EML6: variants seen among roughly 807,000 people sequenced by gnomAD.
EML6 encodes EMAP like 6, also known as echinoderm microtubule-associated protein-like 6.
Under a neutral mutation model 240.1 loss-of-function variants are expected in EML6, and 154 were observed. That is an observed-to-expected ratio of 0.64 (90% CI 0.56 to 0.73). EML6 has a LOEUF of 0.73. Ranked by LOEUF, EML6 falls within the 30% of genes least tolerant of loss-of-function variation. EML6 has a pLI of 0.00. For missense variants in EML6, 2,964 were observed against 2,474.6 expected (o/e 1.20, Z -4.20); for synonymous variants, 1,148 against 899.0 (o/e 1.28, Z -4.95).
intron 16 of EML6, among the ~76,000 whole-genome samples, chr2:54,877,146 C>G (rs1671549393): frequency 6.6e-6 from 1 of 151,988 alleles, no homozygotes; most frequent in Non-Finnish European, 1.5e-5. Flanking sequence ...CCATGCTTAG[C>G]TAATTTTTTT....
rs746209598 is a variant in EML6 at position 54,910,946 on chromosome 2, C to T, written c.3410-8C>T. 48 of 1,498,172 alleles carry T rather than the reference C, an allele frequency of 3.2e-5. 1 individual carries two copies. Among genetic ancestry groups the T allele is most frequent in the South Asian group, 3.0e-4 (24 of 80,842 alleles). 92.8% of individuals were successfully genotyped at this position (1,498,172 alleles called of 1,614,324 possible). On this transcript the variant is annotated splice_polypyrimidine_tract_variant and splice_region_variant and intron_variant, in intron 24 of 41. Transcript: ENST00000356458. ...TAATTATCTCTCTACTTCGTTCTGTCGTAACAGGAAAATTATTGCAAGTGA... is the reference window on the plus strand; with the variant it reads ...TAATTATCTCTCTACTTCGTTCTGTTGTAACAGGAAAATTATTGCAAGTGA...
chr2:54,747,366 C>G (rs763001735), intron 2 of EML6: 4 of 152,218 alleles, frequency 2.6e-5, no homozygotes, highest in Non-Finnish European at 4.4e-5. Context: ...CCTTTCTTTT[C>G]ATGCCAAGTG....
intron 15 of EML6, among the ~76,000 whole-genome samples, chr2:54,870,072 G>C (rs147506195): frequency 2.5e-4 from 38 of 152,276 alleles, no homozygotes; most frequent in African/African-American, 8.9e-4. Context: ...TTTATAATGA[G>C]TGTTTAATTG....
intron 29 of EML6, among the ~76,000 whole-genome samples, chr2:54,950,401 C>A (rs1373970522): frequency 6.6e-6 from 1 of 152,222 alleles, no homozygotes; most frequent in Non-Finnish European, 1.5e-5. Flanking sequence ...GGAAGTAAAT[C>A]TGGGTTTTTT....
In EML6 at chr2:54,948,605, C is replaced by T. The variant is rs76578439; in HGVS notation, c.4005-277C>T. On this transcript the variant is annotated intron_variant, in intron 28 of 41. Coordinates refer to ENST00000356458, the MANE Select transcript of EML6 (RefSeq NM_001039753.4). ...AGCCCACATGTTCTTCCTGCTCCCC[C>T]TGCTCCCAGGAGAAGGTTAAGCAGA... Among the ~76,000 whole-genome samples, 19 of 152,338 alleles carry T rather than the reference C, an allele frequency of 1.2e-4. No individual in the cohort carries two copies. In the East Asian group the frequency reaches 3.7e-3, roughly 29 times the overall value.
intron 12 of EML6, among the ~76,000 whole-genome samples, chr2:54,863,160 A>G (rs1210150108): frequency 2.6e-5 from 4 of 152,224 alleles, no homozygotes; most frequent in East Asian, 3.8e-4. Flanking sequence ...ACAATTACCA[A>G]CACTTGGGTG....
chr2:54,872,138 C>G (rs985780221), intron 16 of EML6, among the ~76,000 whole-genome samples: 3 of 152,098 alleles, frequency 2.0e-5, no homozygotes, highest in African/African-American at 7.2e-5. Flanking sequence ...TTTTCATCTC[C>G]TTAATTTAAA....
chr2:54,850,796 A>G (rs1403025468), intron 10 of EML6, among the ~76,000 whole-genome samples: 1 of 152,228 alleles, frequency 6.6e-6, no homozygotes, highest in Non-Finnish European at 1.5e-5. Context: ...CACAATGCCT[A>G]AATGTTTATC....
chr2:54,898,558 C>T (rs1672892059), intron 21 of EML6, among the ~76,000 whole-genome samples: 1 of 152,184 alleles, frequency 6.6e-6, no homozygotes, highest in African/African-American at 2.4e-5. Context: ...CTCATTTTCT[C>T]ATATTTGAAT....
chr2:54,813,048 G>A (rs934252942), intron 2 of EML6, among the ~76,000 whole-genome samples, 184 bp from the exon 3 acceptor site: 2 of 152,142 alleles, frequency 1.3e-5, no homozygotes, highest in Non-Finnish European at 2.9e-5. Flanking sequence ...ACTGTGCTAA[G>A]CCTCTCTGCT....
intron 2 of EML6, among the ~76,000 whole-genome samples, chr2:54,789,071 T>C (rs1033002902): frequency 3.3e-5 from 5 of 152,234 alleles, no homozygotes; most frequent in African/African-American, 7.2e-5. Context: ...TCCTTTCTCT[T>C]TCATGTGTTC....
At chr2:54,729,107 T>C (rs1683041524) in intron 2 of EML6, among the ~76,000 whole-genome samples, 1 of 152,236 alleles carries the variant, frequency 6.6e-6, no homozygotes, top group Non-Finnish European at 1.5e-5. Flanking sequence ...AAACAACTTT[T>C]CACTTATAAA....
intron 11 of EML6, among the ~76,000 whole-genome samples, chr2:54,854,587 T>A (rs767516644): frequency 6.6e-5 from 10 of 152,248 alleles, no homozygotes; most frequent in Non-Finnish European, 1.0e-4. Flanking sequence ...AGGGACATGC[T>A]ACTGCCTGAA....
chr2:54,922,354 C>G (rs1674301380), intron 26 of EML6, among the ~76,000 whole-genome samples: 2 of 152,068 alleles, frequency 1.3e-5, no homozygotes, highest in Non-Finnish European at 2.9e-5. Flanking sequence ...ACAGATATCA[C>G]CTCACACCTG....
Position 54,827,771 on chromosome 2 carries a change from A to C in EML6, c.711+20A>C. On this transcript the variant is annotated intron_variant, in intron 6 of 41. Transcript: ENST00000356458. ...CATAGTGTAAGTATTACCTTGTGGA[A>C]ATCTGTGGGTGACCTACCAAATAAG... is the stretch of plus-strand genomic sequence containing the variant. 1 of 1,529,444 alleles carries C rather than the reference A, an allele frequency of 6.5e-7. No homozygotes were observed. Among genetic ancestry groups the C allele is most frequent in the Non-Finnish European group, 8.9e-7 (1 of 1,127,562 alleles). 94.7% of individuals were successfully genotyped at this position (1,529,444 alleles called of 1,614,324 possible).
At chr2:54,918,459 C>A (rs1345297349) in intron 26 of EML6, among the ~76,000 whole-genome samples, 1 of 152,194 alleles carries the variant, frequency 6.6e-6, no homozygotes, top group Non-Finnish European at 1.5e-5. Flanking sequence ...AGCAATCAAT[C>A]CACCTCAGCC....
chr2:54,858,458 T>A (rs1184191147), intron 11 of EML6, among the ~76,000 whole-genome samples: 2 of 151,042 alleles, frequency 1.3e-5, no homozygotes, highest in Admixed American at 6.6e-5. Context: ...CTAAAGAGAG[T>A]TGGGAAGAGC....
chr2:54,871,118 T>TG (rs1228163389), intron 15 of EML6, among the ~76,000 whole-genome samples: 1 of 152,192 alleles, frequency 6.6e-6, no homozygotes, highest in African/African-American at 2.4e-5. Flanking sequence ...AAAATAACTC[T>TG]GGATAGCGTC....
intron 15 of EML6, among the ~76,000 whole-genome samples, chr2:54,871,136 T>G (rs149106128): frequency 4.6e-5 from 7 of 152,100 alleles, no homozygotes; most frequent in Admixed American, 4.6e-4. Context: ...GTCATGACAA[T>G]GTACAAGTGA....
Sources: gnomAD v4.1 joint callset for allele counts (sites outside exome capture counted in the v4.1 genomes callset) on GRCh38, gnomAD v4.1.1 for gene constraint, MANE v1.5 for transcripts, NCBI Gene and HGNC (gene_info 2026-07-23, HGNC 2026-07-21) for gene names.